NTN4: variants seen among roughly 807,000 people sequenced by gnomAD.
NTN4 encodes netrin 4, also known as netrin-4.
In NTN4, 32 loss-of-function variants were observed where a neutral mutation model predicts 73.6. That is an observed-to-expected ratio of 0.44 (90% CI 0.33 to 0.58). The LOEUF is 0.58. Ranked by LOEUF, NTN4 falls within the 20% of genes least tolerant of loss-of-function variation. The pLI is 0.04. For synonymous variants in NTN4, 258 were observed against 287.5 expected, an observed-to-expected ratio of 0.90 and a Z score of 1.04; for missense variants, 654 against 798.3, an observed-to-expected ratio of 0.82 and a Z score of 2.18.
intron 5 of NTN4, among the ~76,000 whole-genome samples, chr12:95,684,444 C>T (rs185888854): frequency 6.6e-5 from 10 of 151,836 alleles, no homozygotes; most frequent in Non-Finnish European, 1.2e-4. Context: ...GACTACAAGC[C>T]GGCACCATCA....
chr12:95,739,582 G>C (rs1407322290), intron 2 of NTN4, among the ~76,000 whole-genome samples: 8 of 152,206 alleles, frequency 5.3e-5, no homozygotes, highest in Non-Finnish European at 1.2e-4. Context: ...ATATGGAACT[G>C]ATTCTCAACG....
intron 2 of NTN4, among the ~76,000 whole-genome samples, chr12:95,764,827 G>A (rs1194703970): frequency 6.6e-6 from 1 of 152,140 alleles, no homozygotes; most frequent in South Asian, 2.1e-4. Context: ...TTCAAATTGA[G>A]AATCTTTTAC....
At chr12:95,666,901 A>G (rs140621378) in intron 8 of NTN4, among the ~76,000 whole-genome samples, 1 of 152,188 alleles carries the variant, frequency 6.6e-6, no homozygotes, top group Non-Finnish European at 1.5e-5. Flanking sequence ...ACCACACATA[A>G]AGTACACTAA....
At chr12:95,669,483 A>T (rs2078210163) in intron 8 of NTN4, among the ~76,000 whole-genome samples, 2 of 152,096 alleles carry the variant, frequency 1.3e-5, no homozygotes. Flanking sequence ...CCATTTACCG[A>T]GCATCAAATA....
chr12:95,676,212 T>C (rs1033679893), intron 7 of NTN4, among the ~76,000 whole-genome samples: 1 of 152,146 alleles, frequency 6.6e-6, no homozygotes, highest in Admixed American at 6.5e-5. Context: ...CAAGTGATTC[T>C]CCTGCCTTAG....
At chr12:95,686,523 C>T (rs923862222) in intron 5 of NTN4, among the ~76,000 whole-genome samples, 1 of 151,374 alleles carries the variant, frequency 6.6e-6, no homozygotes, top group Non-Finnish European at 1.5e-5. Flanking sequence ...CGTTGGGCGG[C>T]TGAGGCGGGT....
At chr12:95,773,529 A>T (rs980874592) in intron 2 of NTN4, among the ~76,000 whole-genome samples, 11 of 152,092 alleles carry the variant, frequency 7.2e-5, no homozygotes, top group Middle Eastern at 3.4e-3. Flanking sequence ...CTGCACCTGG[A>T]CCCCTTAGCT....
At chr12:95,760,076 G>T (rs771429904) in intron 2 of NTN4, among the ~76,000 whole-genome samples, 7 of 152,134 alleles carry the variant, frequency 4.6e-5, no homozygotes, top group Non-Finnish European at 1.0e-4. Flanking sequence ...TCCAAAAAGG[G>T]TTAGACTTTG....
intron 3 of NTN4, among the ~76,000 whole-genome samples, chr12:95,720,313 A>G (rs1328117637): frequency 6.6e-6 from 1 of 152,204 alleles, no homozygotes; most frequent in Non-Finnish European, 1.5e-5. Flanking sequence ...TGCCTACTTC[A>G]CTAATTTGCC....
At position 95,790,323 on chromosome 12, in the gene NTN4, C is replaced by CA; in HGVS notation, c.-15_-14insT. ...GCAGCTCCCCATGGCCGGGAGGAGC[C>CA]GGGAGCAGCCGGGCCGGGCGGGTGC... On this transcript the variant is annotated 5_prime_UTR_variant, in exon 1 of 10. Transcript: ENST00000343702. This position sits in a 1 kb window ranked among gnomAD's most constrained non-coding sequence, Gnocchi z 6.5. 3 of 1,525,212 alleles carry CA rather than the reference C, an allele frequency of 2.0e-6. No individual in the cohort carries two copies. The highest frequency in any genetic ancestry group is 2.6e-6 in the Non-Finnish European group (3 of 1,137,170). 94.5% of individuals were successfully genotyped at this position (1,525,212 alleles called of 1,614,324 possible).
intron 3 of NTN4, among the ~76,000 whole-genome samples, chr12:95,724,529 T>C (rs2078676633): frequency 6.6e-6 from 1 of 152,232 alleles, no homozygotes. Flanking sequence ...TTAAGACATT[T>C]ATTTCAATAT....
At chr12:95,667,125 G>A (rs939434640) in intron 8 of NTN4, among the ~76,000 whole-genome samples, 4 of 152,172 alleles carry the variant, frequency 2.6e-5, no homozygotes, top group South Asian at 2.1e-4. Context: ...AATAATTTGG[G>A]GTCGGAAAGA....
At chr12:95,752,507 T>G (rs889067324) in intron 2 of NTN4, among the ~76,000 whole-genome samples, 6 of 151,668 alleles carry the variant, frequency 4.0e-5, no homozygotes, top group Non-Finnish European at 8.8e-5. Flanking sequence ...CTCAGCAAGT[T>G]ACCTAGGCTC....
In NTN4 at chr12:95,790,314, G is replaced by A. The variant is rs576479364; in HGVS notation, c.-5C>T. Reference sequence around the variant, plus strand: ...CAGCCGCGCGCAGCTCCCCATGGCCGGGAGGAGCCGGGAGCAGCCGGGCCG... The same window carrying A: ...CAGCCGCGCGCAGCTCCCCATGGCCAGGAGGAGCCGGGAGCAGCCGGGCCG... On this transcript the variant is annotated 5_prime_UTR_variant, in exon 1 of 10. Coordinates refer to ENST00000343702, the MANE Select transcript of NTN4 (RefSeq NM_021229.4). This position sits in a 1 kb window ranked among gnomAD's most constrained non-coding sequence, Gnocchi z 6.5. 9 of 1,527,878 alleles carry A rather than the reference G, an allele frequency of 5.9e-6. No homozygotes were observed. The African/African-American group carries it at 1.1e-4, about 19-fold the overall frequency. The allele number at this position is 1,527,878 out of a possible 1,614,324, so 94.6% of individuals were successfully genotyped here.
At position 95,749,948 on chromosome 12, in the gene NTN4, C is replaced by A. The variant is rs1301051697; in HGVS notation, c.586-11804G>T. On this transcript the variant is annotated intron_variant, in intron 2 of 9. Coordinates refer to ENST00000343702, the MANE Select transcript of NTN4 (RefSeq NM_021229.4). ...CGCTTTTCTGGGGGAGGGGCAAGTA[C>A]CCCTCAACCCCTTCTCCTTCACCCT... 1.4e-5 allele frequency among the ~76,000 whole-genome samples: 2 copies of A among 142,000 alleles called. 1 individual carries two copies. Among genetic ancestry groups the A allele is most frequent in the East Asian group, 4.3e-4 (2 of 4,704 alleles). 93.2% of individuals were successfully genotyped at this position (142,000 alleles called of 152,430 possible).
At chr12:95,777,423 C>T (rs1287051087) in intron 2 of NTN4, among the ~76,000 whole-genome samples, 15 of 152,108 alleles carry the variant, frequency 9.9e-5, no homozygotes, top group Non-Finnish European at 2.1e-4. Flanking sequence ...ACCTATCTCA[C>T]GTGCAGAGAC....
chr12:95,750,057 T>C (rs1369639612), intron 2 of NTN4, among the ~76,000 whole-genome samples: 1 of 152,130 alleles, frequency 6.6e-6, no homozygotes, highest in Non-Finnish European at 1.5e-5. Context: ...GTCCTGCTTT[T>C]CTAGAGGAGG....
intron 3 of NTN4, among the ~76,000 whole-genome samples, chr12:95,718,936 G>A (rs1178099058): frequency 6.6e-6 from 1 of 152,038 alleles, no homozygotes; most frequent in Non-Finnish European, 1.5e-5. Flanking sequence ...CTCCAGTGAT[G>A]TACCACAGAC....
At chr12:95,710,364 G>T in intron 5 of NTN4, 77 bp downstream of exon 5, 1 of 1,205,978 alleles carries the variant, frequency 8.3e-7, no homozygotes, top group Non-Finnish European at 1.2e-6. Flanking sequence ...CCTTCTTTTG[G>T]GTTAGCAGAA....
Sources: allele counts gnomAD v4.1 joint callset (sites outside exome capture counted in the v4.1 genomes callset), GRCh38; gene constraint gnomAD v4.1.1; non-coding constraint Gnocchi (gnomAD v3.1); transcripts MANE v1.5; gene names NCBI Gene and HGNC (gene_info 2026-07-23, HGNC 2026-07-21).